The following PCDH15 variants were observed in gnomAD, a reference collection of about 807,000 sequenced individuals.
The protein encoded by PCDH15 is protocadherin-15.
PCDH15 carries 129 observed loss-of-function variants against 178.5 expected under a neutral mutation model. The observed-to-expected ratio is 0.72, with a 90% confidence interval of 0.63 to 0.84. The LOEUF (loss-of-function observed/expected upper bound fraction) is 0.84. PCDH15 is among the 40% of genes least tolerant of loss of function. The pLI, the probability that PCDH15 is intolerant of heterozygous loss-of-function variation, is 0.00. For missense variants in PCDH15, 2,230 were observed against 2,099.9 expected, an observed-to-expected ratio of 1.06 and a Z score of -1.21; for synonymous variants, 800 against 732.0, an observed-to-expected ratio of 1.09 and a Z score of -1.50.
At chr10:54,579,789 C>A (rs990598545) in intron 2 of PCDH15, among the ~76,000 whole-genome samples, 2 of 152,002 alleles carry the variant, frequency 1.3e-5, no homozygotes, top group African/African-American at 4.8e-5. Flanking sequence ...TACTCTTGAA[C>A]CACAGTAGAT....
intron 1 of PCDH15, among the ~76,000 whole-genome samples, chr10:55,275,352 T>A (rs1266797884): frequency 6.6e-6 from 1 of 152,058 alleles, no homozygotes; most frequent in African/African-American, 2.4e-5. Context: ...ATTTATCAAT[T>A]GCTCCAGGTA....
chr10:55,539,708 G>C (rs1162119241), intron 2 of PCDH15, among the ~76,000 whole-genome samples: 1 of 151,960 alleles, frequency 6.6e-6, no homozygotes, highest in Non-Finnish European at 1.5e-5. Context: ...AAGCTATTTA[G>C]AGTTTTCACA....
At chr10:54,495,096 C>T (rs2079987244) in intron 3 of PCDH15, among the ~76,000 whole-genome samples, 2 of 152,174 alleles carry the variant, frequency 1.3e-5, no homozygotes, top group Non-Finnish European at 2.9e-5. Context: ...ATTGAAACTA[C>T]TGTCCTTGCA....
intron 2 of PCDH15, among the ~76,000 whole-genome samples, chr10:55,475,281 C>T (rs1005318334): frequency 6.6e-6 from 1 of 152,142 alleles, no homozygotes; most frequent in Non-Finnish European, 1.5e-5. Context: ...CAAGTTTCCA[C>T]ACTAGGTTGG....
At chr10:55,019,317 C>T (rs1033763637) in intron 2 of PCDH15, among the ~76,000 whole-genome samples, 4 of 152,104 alleles carry the variant, frequency 2.6e-5, no homozygotes, top group African/African-American at 9.7e-5. Context: ...AAACATAATA[C>T]AACATTTGAA....
intron 1 of PCDH15, among the ~76,000 whole-genome samples, chr10:54,757,661 C>G (rs1947336315): frequency 6.6e-6 from 1 of 152,094 alleles, no homozygotes; most frequent in African/African-American, 2.4e-5. Context: ...GTGCTATGCC[C>G]ACCAACAATG....
chr10:55,468,974 G>A (rs901434936), intron 2 of PCDH15: 6 of 151,812 alleles, frequency 4.0e-5, no homozygotes, highest in Admixed American at 6.6e-5. Flanking sequence ...CATCAACTAT[G>A]GGCTGTTAAA....
chr10:55,390,917 C>G (rs1290121308), intron 2 of PCDH15, among the ~76,000 whole-genome samples: 1 of 152,136 alleles, frequency 6.6e-6, no homozygotes, highest in Non-Finnish European at 1.5e-5. Flanking sequence ...ACAGGTGTAG[C>G]AGATCTAACA....
intron 3 of PCDH15, among the ~76,000 whole-genome samples, chr10:54,467,049 T>A (rs977124998): frequency 1.3e-5 from 2 of 151,984 alleles, no homozygotes; most frequent in African/African-American, 4.8e-5. Context: ...TCTAAGAAAT[T>A]TTAGGTAAAA....
intron 2 of PCDH15, among the ~76,000 whole-genome samples, chr10:55,003,584 G>A (rs11004663): frequency 0.015 from 2,321 of 152,122 alleles, 58 homozygotes; most frequent in South Asian, 0.017. Flanking sequence ...TTCAGAAACT[G>A]TGAATATTCT....
At chr10:55,342,197 C>T (rs956429438) in intron 2 of PCDH15, among the ~76,000 whole-genome samples, 10 of 151,250 alleles carry the variant, frequency 6.6e-5, no homozygotes, top group Non-Finnish European at 1.0e-4. Context: ...TTGTGAATGA[C>T]CTACAAGATT....
At chr10:55,118,881 T>C (rs1041172358) in intron 2 of PCDH15, among the ~76,000 whole-genome samples, 8 of 152,180 alleles carry the variant, frequency 5.3e-5, no homozygotes, top group Non-Finnish European at 1.0e-4. Flanking sequence ...ACACTTATAA[T>C]TGACTTACGA....
At chr10:55,218,580 T>G (rs373736217) in intron 1 of PCDH15, among the ~76,000 whole-genome samples, 1 of 152,200 alleles carries the variant, frequency 6.6e-6, no homozygotes, top group African/African-American at 2.4e-5. Context: ...GCACTTGATC[T>G]ACAGTTATGT....
At chr10:55,046,752 G>A (rs185642547) in intron 2 of PCDH15, among the ~76,000 whole-genome samples, 1 of 152,038 alleles carries the variant, frequency 6.6e-6, no homozygotes, top group African/African-American at 2.4e-5. Flanking sequence ...AGTTATAGAA[G>A]TGAAGATAAT....
chr10:54,261,506 T>A (rs2132299433), intron 8 of PCDH15, among the ~76,000 whole-genome samples: 1 of 151,818 alleles, frequency 6.6e-6, no homozygotes, highest in Non-Finnish European at 1.5e-5. Flanking sequence ...GAAAAAAAAA[T>A]GTTTAGGTTC....
chr10:53,810,635 C>T lies in PCDH15; in HGVS notation c.4592G>A (p.Arg1531His), dbSNP rs770967278. The change falls in exon 37 of 38, where the codon CGT becomes CAT. Residue 1531 changes from arginine (R) to histidine (H), a missense_variant. Transcript: ENST00000644397. The part of the protein sequence containing the change: ...GYEMPQYGSR[R>H]RLLPPAGQEE... Reference sequence around the variant, plus strand: ...CTGTCCAGCTGGTGGTAACAATCGACGGCGACTCCCATATTGAGGCATTTC... The same window carrying T: ...CTGTCCAGCTGGTGGTAACAATCGATGGCGACTCCCATATTGAGGCATTTC... The T allele has an allele frequency of 1.2e-5, 20 of 1,613,678 alleles. No homozygotes were observed. The highest frequency in any genetic ancestry group is 8.0e-5 in the African/African-American group (6 of 74,926).
rs558457362 is a variant in PCDH15 at position 55,171,472 on chromosome 10, C to A, written c.-155-4821G>T. On this transcript the variant is annotated intron_variant, in intron 1 of 5. Transcript: ENST00000458638. ...TTTTCATCCTTCTAGTAACTTCATTCAGCTTAATGAAATCCCCACTTATTT... is the reference window on the plus strand; with the variant it reads ...TTTTCATCCTTCTAGTAACTTCATTAAGCTTAATGAAATCCCCACTTATTT... 6.4e-4 allele frequency among the ~76,000 whole-genome samples: 97 copies of A among 152,110 alleles called. 2 individuals are homozygous for A. Among genetic ancestry groups the A allele is most frequent in the Admixed American group, 6.3e-3 (96 of 15,268 alleles).
intron 2 of PCDH15, among the ~76,000 whole-genome samples, chr10:54,638,707 T>C (rs933470138): frequency 2.6e-5 from 4 of 151,962 alleles, no homozygotes; most frequent in African/African-American, 7.3e-5. Flanking sequence ...GAAAAAGAAA[T>C]CATTATATAA....
At chr10:54,247,055 T>G (rs11004174) in intron 8 of PCDH15, among the ~76,000 whole-genome samples, 7,678 of 152,032 alleles carry the variant, frequency 0.051, 488 homozygotes, top group African/African-American at 0.15. Flanking sequence ...CAGCTTAATG[T>G]TTTATAAATA....
Sources: allele counts gnomAD v4.1 joint callset (sites outside exome capture counted in the v4.1 genomes callset), GRCh38; gene constraint gnomAD v4.1.1; transcripts MANE v1.5; gene names NCBI Gene and HGNC (gene_info 2026-07-23, HGNC 2026-07-21).